Variants in DPP10 observed in about 807,000 individuals in gnomAD.
The protein encoded by DPP10 is inactive dipeptidyl peptidase 10.
A neutral mutation model predicts 120.9 loss-of-function variants in DPP10; 33 were observed. The ratio of observed to expected loss-of-function variants is 0.27; its 90% CI spans 0.21 to 0.37. The LOEUF is 0.37. Among genes scored for constraint, DPP10 ranks in the 10% least tolerant of loss-of-function variants. The probability of loss-of-function intolerance (pLI) is 1.00; values close to 1 mark genes in which losing one functional copy is unlikely to be tolerated. For synonymous variants in DPP10, 337 were observed against 326.1 expected (o/e 1.03, Z -0.36); for missense variants, 816 against 942.8 (o/e 0.87, Z 1.76).
intron 3 of DPP10, among the ~76,000 whole-genome samples, chr2:115,431,273 G>A (rs1469643553): frequency 2.0e-5 from 3 of 152,154 alleles, no homozygotes; most frequent in Admixed American, 6.6e-5. Context: ...AGGAGGTCAT[G>A]GAGAAACAAG....
At chr2:115,444,292 A>G (rs1558668637) in intron 3 of DPP10, among the ~76,000 whole-genome samples, 1 of 152,192 alleles carries the variant, frequency 6.6e-6, no homozygotes. Context: ...TTAAATAGTA[A>G]CACATTCTGT....
At chr2:115,043,208 T>A (rs1022258102) in intron 1 of DPP10, among the ~76,000 whole-genome samples, 2 of 152,188 alleles carry the variant, frequency 1.3e-5, no homozygotes, top group Admixed American at 6.5e-5. Context: ...TCAATGTTTT[T>A]CTCTTTAAAA....
intron 5 of DPP10, among the ~76,000 whole-genome samples, chr2:115,629,981 T>C (rs184532227): frequency 1.3e-5 from 2 of 152,338 alleles, no homozygotes; most frequent in East Asian, 3.9e-4. Flanking sequence ...ATCGAATGTA[T>C]AAATTATTTT....
rs558136511 is a variant in DPP10, at chr2:114,522,279, C to T, written c.60+79441C>T. Among the ~76,000 whole-genome samples the T allele has an allele frequency of 2.0e-4, 30 of 152,242 alleles. No homozygotes were observed. The South Asian group carries it at 5.2e-3, about 26-fold the overall frequency. On this transcript the variant is annotated intron_variant, in intron 1 of 25. Transcript: ENST00000410059. ...GATTACAGGCGTGAGCCACCGCGCCCGGCCTATCCAAGGTTTTTATACCCA... is the reference window on the plus strand; with the variant it reads ...GATTACAGGCGTGAGCCACCGCGCCTGGCCTATCCAAGGTTTTTATACCCA...
At chr2:114,742,671 T>C (rs1398970984) in intron 1 of DPP10, among the ~76,000 whole-genome samples, 1 of 152,246 alleles carries the variant, frequency 6.6e-6, no homozygotes, top group African/African-American at 2.4e-5. Flanking sequence ...CCATTTTGCA[T>C]GCACTCAAAT....
chr2:115,031,663 C>T (rs1488876037), intron 1 of DPP10, among the ~76,000 whole-genome samples: 4 of 152,134 alleles, frequency 2.6e-5, no homozygotes, highest in Non-Finnish European at 5.9e-5. Flanking sequence ...ATTTCATGGA[C>T]AGGTAAATCT....
chr2:114,894,543 A>G (rs1692811612), intron 1 of DPP10, among the ~76,000 whole-genome samples: 1 of 152,140 alleles, frequency 6.6e-6, no homozygotes, highest in South Asian at 2.1e-4. Flanking sequence ...ATGTTTATTT[A>G]TTTATTTATT....
At chr2:115,156,543 C>T (rs963149608) in intron 1 of DPP10, among the ~76,000 whole-genome samples, 6 of 152,102 alleles carry the variant, frequency 3.9e-5, no homozygotes, top group Non-Finnish European at 5.9e-5. Flanking sequence ...TTTTCTCTTT[C>T]GATTTGTAAA....
intron 1 of DPP10, among the ~76,000 whole-genome samples, chr2:114,749,014 C>T (rs1227409472): frequency 2.9e-4 from 38 of 131,834 alleles, no homozygotes; most frequent in African/African-American, 1.1e-3. Flanking sequence ...GTTTACAGTC[C>T]CACCAACAGT....
intron 5 of DPP10, among the ~76,000 whole-genome samples, chr2:115,613,545 A>G (rs1483577455): frequency 1.3e-5 from 2 of 152,150 alleles, no homozygotes; most frequent in African/African-American, 2.4e-5. Flanking sequence ...CTGTGATTCA[A>G]AGAGATCCCC....
At chr2:115,660,283 T>G (rs1003903790) in intron 5 of DPP10, among the ~76,000 whole-genome samples, 6 of 152,216 alleles carry the variant, frequency 3.9e-5, no homozygotes, top group Admixed American at 6.5e-5. Context: ...GCTCAATGTT[T>G]AACATAATCA....
At chr2:114,824,330 A>G (rs1226637779) in intron 1 of DPP10, among the ~76,000 whole-genome samples, 8 of 152,210 alleles carry the variant, frequency 5.3e-5, no homozygotes, top group African/African-American at 1.4e-4. Context: ...CCTAGATAAC[A>G]CTGGGCTGTG....
intron 1 of DPP10, among the ~76,000 whole-genome samples, chr2:115,034,636 T>G (rs765227842): frequency 2.6e-5 from 4 of 152,222 alleles, no homozygotes; most frequent in African/African-American, 4.8e-5. Flanking sequence ...TTAAAGTGTT[T>G]AGAAAAGACC....
Position 114,730,735 on chromosome 2 carries a change from C to A in DPP10, c.60+287897C>A, listed in dbSNP as rs186464473. ...CCGCCTCCCGAGTAGCTGGGACTAC[C>A]GACATGCACCACCAGGCCTGGCTAA... On this transcript the variant is annotated intron_variant, in intron 1 of 25. Coordinates refer to ENST00000410059, the MANE Select transcript of DPP10 (RefSeq NM_020868.6). Among the ~76,000 whole-genome samples, 484 of 151,834 alleles carry A rather than the reference C, an allele frequency of 3.2e-3. 1 individual carries two copies. Among genetic ancestry groups the A allele is most frequent in the Non-Finnish European group, 5.8e-3 (397 of 67,900 alleles).
rs555594175 is a variant in DPP10, at chr2:115,127,040, C to T, written c.61-182199C>T. Among the ~76,000 whole-genome samples, 28 of 152,196 alleles carry T rather than the reference C, an allele frequency of 1.8e-4. 3 individuals are homozygous for T. Among genetic ancestry groups the T allele is most frequent in the African/African-American group, 6.7e-4 (28 of 41,516 alleles). On this transcript the variant is annotated intron_variant, in intron 1 of 25. Coordinates refer to ENST00000410059, the MANE Select transcript of DPP10 (RefSeq NM_020868.6). ...AATGTAAATATTGTACCAGGTCACACCTAAAGGATGGAAAAGTCTAGTAAG... is the reference window on the plus strand; with the variant it reads ...AATGTAAATATTGTACCAGGTCACATCTAAAGGATGGAAAAGTCTAGTAAG...
chr2:115,573,573 C>T (rs949700310), intron 5 of DPP10, among the ~76,000 whole-genome samples: 10 of 143,424 alleles, frequency 7.0e-5, no homozygotes, highest in South Asian at 2.3e-4. Flanking sequence ...TGAGCCACTG[C>T]GCCCGGCCTT....
At chr2:115,716,712 A>G (rs1438467127) in intron 7 of DPP10, among the ~76,000 whole-genome samples, 1 of 149,708 alleles carries the variant, frequency 6.7e-6, no homozygotes, top group African/African-American at 2.6e-5. Context: ...TCTGTATTGC[A>G]AAAACAAACA....
intron 1 of DPP10, among the ~76,000 whole-genome samples, chr2:115,306,230 C>T (rs2061354135): frequency 6.6e-6 from 1 of 151,902 alleles, no homozygotes; most frequent in Non-Finnish European, 1.5e-5. Context: ...TCATATCTGG[C>T]TTGCATAACT....
At chr2:114,648,826 C>T (rs1015039104) in intron 1 of DPP10, among the ~76,000 whole-genome samples, 1 of 152,136 alleles carries the variant, frequency 6.6e-6, no homozygotes, top group Non-Finnish European at 1.5e-5. Context: ...ACAAAGTGAG[C>T]TATTTTTGAT....
Sources: allele counts gnomAD v4.1 joint callset (sites outside exome capture counted in the v4.1 genomes callset), GRCh38; gene constraint gnomAD v4.1.1; transcripts MANE v1.5; gene names NCBI Gene and HGNC (gene_info 2026-07-23, HGNC 2026-07-21).